Variants in CAMK1D observed in about 807,000 individuals in gnomAD.
The protein encoded by CAMK1D is calcium/calmodulin-dependent protein kinase type 1D.
In CAMK1D, 9 loss-of-function variants were observed where a neutral mutation model predicts 47.7. The observed-to-expected ratio is 0.19, with a 90% CI of 0.11 to 0.33. CAMK1D has a LOEUF of 0.33. Ranked by LOEUF, CAMK1D falls within the 10% of genes least tolerant of loss-of-function variation. CAMK1D has a pLI of 1.00. For missense variants in CAMK1D, 291 were observed against 488.7 expected, an observed-to-expected ratio of 0.60 and a Z score of 3.81; for synonymous variants, 184 against 184.9, an observed-to-expected ratio of 0.99 and a Z score of 0.04.
chr10:12,704,658 A>T (rs2130732543), intron 3 of CAMK1D, among the ~76,000 whole-genome samples: 1 of 152,312 alleles, frequency 6.6e-6, no homozygotes. Context: ...ATAAAATGAC[A>T]ACTGGGAATG....
chr10:12,458,986 C>A (rs1564352406), intron 1 of CAMK1D, among the ~76,000 whole-genome samples: 1 of 150,040 alleles, frequency 6.7e-6, no homozygotes, highest in Admixed American at 6.7e-5. Context: ...TCAAGTGATT[C>A]TCCTGCTTCA....
At chr10:12,534,183 T>G in intron 1 of CAMK1D, among the ~76,000 whole-genome samples, 1 of 152,124 alleles carries the variant, frequency 6.6e-6, no homozygotes, top group East Asian at 1.9e-4. Flanking sequence ...TCTATCTATC[T>G]ATCTGTCTAT....
intron 2 of CAMK1D, among the ~76,000 whole-genome samples, chr10:12,582,629 A>G (rs568795985): frequency 3.9e-5 from 6 of 152,128 alleles, no homozygotes; most frequent in African/African-American, 1.4e-4. Context: ...ATTTTTTTGC[A>G]GCTATTATAA....
chr10:12,587,221 G>A (rs1384255538), intron 2 of CAMK1D, among the ~76,000 whole-genome samples: 2 of 152,126 alleles, frequency 1.3e-5, no homozygotes, highest in South Asian at 2.1e-4. Context: ...GTAAATAACC[G>A]AAAATTAATA....
In CAMK1D at chr10:12,569,722, C is replaced by CA. The variant is rs56335336; in HGVS notation, c.224+16388dup. On this transcript the variant is annotated intron_variant, in intron 2 of 10. Transcript: ENST00000619168. ...TGGGTGACAGAACGAGACTCCGTCTCAAAAAAAAAAAAAAAAAAAAAATTG... is the reference window on the plus strand; with the variant it reads ...TGGGTGACAGAACGAGACTCCGTCTCAAAAAAAAAAAAAAAAAAAAAAATTG... 5.9e-3 allele frequency among the ~76,000 whole-genome samples: 418 copies of CA among 71,308 alleles called. 20 individuals are homozygous for CA. The highest frequency in any genetic ancestry group is 0.015 in the African/African-American group (228 of 15,586). The allele number at this position is 71,308 out of a possible 152,430, so 46.8% of individuals were successfully genotyped here.
chr10:12,702,061 G>A (rs947361382), intron 3 of CAMK1D, among the ~76,000 whole-genome samples: 2 of 152,204 alleles, frequency 1.3e-5, no homozygotes, highest in Non-Finnish European at 2.9e-5. Context: ...CATTTGTGTG[G>A]CTCCCCGTTG....
intron 1 of CAMK1D, among the ~76,000 whole-genome samples, chr10:12,377,272 T>C (rs36041773): frequency 0.37 from 55,526 of 152,070 alleles, 11,364 homozygotes; most frequent in Non-Finnish European, 0.47. Context: ...TTAAAAAAAG[T>C]GTATGATCTT....
intron 3 of CAMK1D, among the ~76,000 whole-genome samples, chr10:12,752,790 G>A (rs1480568494): frequency 6.6e-6 from 1 of 152,138 alleles, no homozygotes; most frequent in Non-Finnish European, 1.5e-5. Flanking sequence ...ACCAGGACGT[G>A]CTTACAGCCA....
chr10:12,551,589 T>G (rs1329591034), intron 1 of CAMK1D, among the ~76,000 whole-genome samples: 1 of 151,896 alleles, frequency 6.6e-6, no homozygotes, highest in Non-Finnish European at 1.5e-5. Flanking sequence ...AATACAAAAA[T>G]TAGCCAGATG....
At chr10:12,781,170 C>T (rs1160794038) in intron 5 of CAMK1D, among the ~76,000 whole-genome samples, 1 of 151,690 alleles carries the variant, frequency 6.6e-6, no homozygotes, top group Non-Finnish European at 1.5e-5. Flanking sequence ...AGGGGGAGGG[C>T]AGCATTGTGG....
At chr10:12,824,396 C>T in intron 8 of CAMK1D, 69 bp from the exon 9 acceptor site, 4 of 1,367,380 alleles carry the variant, frequency 2.9e-6, no homozygotes, top group Non-Finnish European at 4.2e-6. Flanking sequence ...GGTAAGACTC[C>T]CCTTTATGGG....
intron 3 of CAMK1D, among the ~76,000 whole-genome samples, chr10:12,742,155 A>G (rs1387664181): frequency 1.3e-5 from 2 of 152,192 alleles, no homozygotes; most frequent in South Asian, 2.1e-4. Context: ...ATATATTTTT[A>G]GACAGGGTCT....
intron 1 of CAMK1D, among the ~76,000 whole-genome samples, chr10:12,522,870 G>T (rs1176338251): frequency 2.5e-5 from 2 of 79,482 alleles, no homozygotes; most frequent in African/African-American, 1.0e-4. Context: ...CCGGGCGGGG[G>T]CTGACCCCCC....
intron 1 of CAMK1D, among the ~76,000 whole-genome samples, chr10:12,540,425 C>T (rs770570288): frequency 6.6e-5 from 10 of 152,106 alleles, no homozygotes; most frequent in Admixed American, 1.3e-4. Flanking sequence ...TTAAACAAAG[C>T]GTGTGTTTTA....
intron 3 of CAMK1D, among the ~76,000 whole-genome samples, chr10:12,669,554 C>T (rs1034209902): frequency 2.6e-5 from 4 of 152,134 alleles, no homozygotes; most frequent in Admixed American, 1.3e-4. Context: ...CATTTACATA[C>T]GAGTCACTGT....
At chr10:12,574,500 T>G in intron 2 of CAMK1D, among the ~76,000 whole-genome samples, 1 of 101,836 alleles carries the variant, frequency 9.8e-6, no homozygotes, top group African/African-American at 3.5e-5. Context: ...TTTTTTTTAG[T>G]AGAGACGGGG....
intron 3 of CAMK1D, among the ~76,000 whole-genome samples, chr10:12,695,704 T>G (rs10906206): frequency 0.3 from 45,205 of 152,038 alleles, 7,014 homozygotes; most frequent in East Asian, 0.4. Flanking sequence ...TTACCCTGGA[T>G]AGAGGTGTTG....
At chr10:12,563,382 A>G (rs1837006684) in intron 2 of CAMK1D, among the ~76,000 whole-genome samples, 1 of 152,072 alleles carries the variant, frequency 6.6e-6, no homozygotes, top group African/African-American at 2.4e-5. Context: ...GAACAAATTG[A>G]TTCTTCCTCT....
intron 3 of CAMK1D, among the ~76,000 whole-genome samples, chr10:12,751,128 A>AAGATAAGATAAGATAAGATGAGAT: frequency 6.9e-6 from 1 of 145,172 alleles, no homozygotes; most frequent in East Asian, 2.1e-4. Context: ...TAAGATAAGA[A>AAGATAAGATAAGATAAGATGAGAT]GGCTTCAGAA....
Sources: allele counts gnomAD v4.1 joint callset (sites outside exome capture counted in the v4.1 genomes callset), GRCh38; gene constraint gnomAD v4.1.1; transcripts MANE v1.5; gene names NCBI Gene and HGNC (gene_info 2026-07-23, HGNC 2026-07-21).